The following HS3ST3A1 variants were observed in gnomAD, a reference collection of about 807,000 sequenced individuals.
HS3ST3A1 encodes heparan sulfate glucosamine 3-O-sulfotransferase 3A1.
HS3ST3A1 carries 19 observed loss-of-function variants against 25.7 expected under a neutral mutation model. That is an observed-to-expected ratio of 0.74 (90% confidence interval 0.52 to 1.08). The LOEUF (loss-of-function observed/expected upper bound fraction) is 1.08, where lower values mean the gene tolerates loss of function less well. Among genes scored for constraint, HS3ST3A1 ranks in the 50% least tolerant of loss-of-function variants. The probability of loss-of-function intolerance (pLI) is 0.00; values close to 1 mark genes in which losing one functional copy is unlikely to be tolerated. For synonymous variants in HS3ST3A1, 226 were observed against 278.6 expected, an observed-to-expected ratio of 0.81 and a Z score of 1.88; for missense variants, 459 against 594.3, an observed-to-expected ratio of 0.77 and a Z score of 2.37.
intron 1 of HS3ST3A1, among the ~76,000 whole-genome samples, chr17:13,566,297 C>T (rs1246531280): frequency 2.0e-5 from 3 of 152,014 alleles, no homozygotes; most frequent in African/African-American, 7.2e-5. Context: ...TTTGAGGTGC[C>T]TCAAACCACG....
Position 13,496,791 on chromosome 17 carries a change from C to A in HS3ST3A1, c.627G>T (p.Gly209=), listed in dbSNP as rs370358552. ...TGGGCGTCTTCTCCATGGTGATCTGCCCGTCCAGGGTTCTGGGCATCAGGT... is the reference window on the plus strand; with the variant it reads ...TGGGCGTCTTCTCCATGGTGATCTGACCGTCCAGGGTTCTGGGCATCAGGT... The part of the protein sequence containing the change: ...YRDLMPRTLD[G]QITMEKTPSY... The change falls in exon 2 of 2, where the codon GGG becomes GGT. Residue 209 remains glycine, a synonymous_variant. Transcript: ENST00000284110. 10 of 1,613,826 alleles carry A rather than the reference C, an allele frequency of 6.2e-6. No individual in the cohort carries two copies. The East Asian group carries it at 6.7e-5, about 11-fold the overall frequency.
chr17:13,523,009 G>A (rs546806470), intron 1 of HS3ST3A1, among the ~76,000 whole-genome samples: 16 of 151,922 alleles, frequency 1.1e-4, no homozygotes, highest in East Asian at 3.9e-4. Flanking sequence ...GAGAAATGCC[G>A]AATACTTAGA....
intron 1 of HS3ST3A1, among the ~76,000 whole-genome samples, chr17:13,554,226 G>C (rs931123741): frequency 3.9e-5 from 6 of 152,328 alleles, no homozygotes; most frequent in African/African-American, 1.4e-4. Flanking sequence ...TACTGGTCCA[G>C]TTGCAAAGCC....
intron 1 of HS3ST3A1, among the ~76,000 whole-genome samples, chr17:13,503,157 G>C (rs1289317323): frequency 8.8e-6 from 1 of 113,948 alleles, no homozygotes; most frequent in East Asian, 2.8e-4. Context: ...CCTAGCAAGA[G>C]AGCAAGACTC....
At chr17:13,566,470 G>A (rs1430493419) in intron 1 of HS3ST3A1, among the ~76,000 whole-genome samples, 1 of 152,100 alleles carries the variant, frequency 6.6e-6, no homozygotes, top group Non-Finnish European at 1.5e-5. Flanking sequence ...AATGTTCAAG[G>A]GAAAGGAAGA....
intron 1 of HS3ST3A1, among the ~76,000 whole-genome samples, chr17:13,551,627 G>A (rs941985873): frequency 7.0e-5 from 10 of 143,136 alleles, no homozygotes; most frequent in Non-Finnish European, 3.0e-5. Context: ...AAAAAAAAAG[G>A]GGGGGGGGTA....
chr17:13,564,454 G>T (rs1907626620), intron 1 of HS3ST3A1, among the ~76,000 whole-genome samples: 1 of 152,056 alleles, frequency 6.6e-6, no homozygotes, highest in Non-Finnish European at 1.5e-5. Flanking sequence ...GGATGCTCAA[G>T]TTCCTTATAT....
chr17:13,585,970 C>A (rs1162717557), intron 1 of HS3ST3A1, among the ~76,000 whole-genome samples: 1 of 151,466 alleles, frequency 6.6e-6, no homozygotes, highest in Non-Finnish European at 1.5e-5. Context: ...CTACCTCAGC[C>A]TCCAAGTAGC....
chr17:13,581,119 C>T (rs994557792), intron 1 of HS3ST3A1, among the ~76,000 whole-genome samples: 4 of 151,996 alleles, frequency 2.6e-5, no homozygotes, highest in African/African-American at 9.7e-5. Flanking sequence ...TATATTAATT[C>T]CATTGGAACA....
intron 1 of HS3ST3A1, among the ~76,000 whole-genome samples, chr17:13,528,059 G>A (rs34804183): frequency 0.11 from 16,013 of 152,114 alleles, 1,032 homozygotes; most frequent in Non-Finnish European, 0.15. Context: ...CCGTGTCATC[G>A]GAAAGAAGGA....
rs149170575 is a variant in HS3ST3A1, at chr17:13,499,381, C to G, written c.600-2563G>C. On this transcript the variant is annotated intron_variant, in intron 1 of 1. Coordinates refer to ENST00000284110, the MANE Select transcript of HS3ST3A1 (RefSeq NM_006042.3). Reference sequence around the variant, plus strand: ...TCAGTGAAGGAAATTTAATCAGATGCGTGAAAAAGTTTTGGGCTTGGAAAG... The same window carrying G: ...TCAGTGAAGGAAATTTAATCAGATGGGTGAAAAAGTTTTGGGCTTGGAAAG... Among the ~76,000 whole-genome samples, 51 of 152,192 alleles carry G rather than the reference C, an allele frequency of 3.4e-4. No homozygotes were observed. In the East Asian group the frequency reaches 7.5e-3, roughly 22 times the overall value.
chr17:13,600,557 G>T lies in HS3ST3A1; in HGVS notation c.573C>A (p.Ser191Arg). The change falls in exon 1 of 2, where the codon AGC becomes AGA. Residue 191 changes from serine (S) to arginine (R), a missense_variant. Around this residue, in one of 3 missense-constraint regions of HS3ST3A1, gnomAD observed 346 missense variants for 303.9 expected, o/e 1.14. Transcript: ENST00000284110. ...VGAEPHFFDR[S>R]YDKGLAWYRD... ...GGTACCAGGCGAGGCCCTTGTCGTA[G>T]CTGCGGTCGAAGAAGTGGGGCTCGG... 2 of 1,601,532 alleles carry T rather than the reference G, an allele frequency of 1.2e-6. No individual in the cohort carries two copies. The highest frequency in any genetic ancestry group is 1.1e-5 in the South Asian group (1 of 90,558).
intron 1 of HS3ST3A1, among the ~76,000 whole-genome samples, chr17:13,573,787 G>A (rs978444643): frequency 6.6e-6 from 1 of 152,268 alleles, no homozygotes; most frequent in Middle Eastern, 3.4e-3. Context: ...GGGCCTTTGC[G>A]AGGTGATTGG....
intron 1 of HS3ST3A1, among the ~76,000 whole-genome samples, chr17:13,533,848 C>G (rs1906687347): frequency 6.6e-6 from 1 of 152,078 alleles, no homozygotes; most frequent in African/African-American, 2.4e-5. Context: ...AGAGAAAGAA[C>G]TTAACATAGG....
intron 1 of HS3ST3A1, among the ~76,000 whole-genome samples, chr17:13,522,853 G>GAGAGAC (rs1555538069): frequency 9.4e-5 from 14 of 148,458 alleles, no homozygotes; most frequent in East Asian, 4.0e-4. Flanking sequence ...CACACAGAGA[G>GAGAGAC]ACACACACAC....
chr17:13,578,393 CAAAAAAAA>C (rs397960321), intron 1 of HS3ST3A1, among the ~76,000 whole-genome samples: 1 of 94,936 alleles, frequency 1.1e-5, no homozygotes, highest in African/African-American at 3.7e-5. Context: ...TACAAAAATA[CAAAAAAAA>C]AAAAAAAAAA....
In HS3ST3A1 at chr17:13,520,418, T is replaced by C. The variant is rs370523765; in HGVS notation, c.600-23600A>G. Reference sequence around the variant, plus strand: ...GTATCAGTCCTACTGCACATTCGGATATTATAAGATCCTGGTCAGAAGACA... The same window carrying C: ...GTATCAGTCCTACTGCACATTCGGACATTATAAGATCCTGGTCAGAAGACA... On this transcript the variant is annotated intron_variant, in intron 1 of 1. Transcript: ENST00000284110. Among the ~76,000 whole-genome samples the C allele has an allele frequency of 4.5e-4, 68 of 152,274 alleles. No homozygotes were observed. In the South Asian group the frequency reaches 6.4e-3, roughly 14 times the overall value.
chr17:13,585,186 C>CTTTTTTTTTTTTTTT lies in HS3ST3A1; in HGVS notation c.599+15330_599+15344dup, dbSNP rs71144977. 6.9e-4 allele frequency among the ~76,000 whole-genome samples: 23 copies of CTTTTTTTTTTTTTTT among 33,246 alleles called. 7 individuals carry two copies. Among genetic ancestry groups the CTTTTTTTTTTTTTTT allele is most frequent in the African/African-American group, 1.2e-3 (10 of 8,480 alleles). The allele number at this position is 33,246 out of a possible 152,430, so 21.8% of individuals were successfully genotyped here. On this transcript the variant is annotated intron_variant, in intron 1 of 1. Coordinates refer to ENST00000284110, the MANE Select transcript of HS3ST3A1 (RefSeq NM_006042.3). ...CAATCTAAATACTCATTTTTCTGTG[C>CTTTTTTTTTTTTTTT]TTTTTTTTTTTTTTTTTTTTTTTTT...
At chr17:13,524,688 C>A (rs978481643) in intron 1 of HS3ST3A1, among the ~76,000 whole-genome samples, 1 of 152,104 alleles carries the variant, frequency 6.6e-6, no homozygotes, top group Non-Finnish European at 1.5e-5. Context: ...GTATCAATAT[C>A]AATTTCCTGG....
Sources: allele counts gnomAD v4.1 joint callset (sites outside exome capture counted in the v4.1 genomes callset), GRCh38; gene constraint gnomAD v4.1.1; regional missense constraint gnomAD v4.1.1; transcripts MANE v1.5; gene names NCBI Gene and HGNC (gene_info 2026-07-23, HGNC 2026-07-21).